TJP1: variants seen among roughly 807,000 people sequenced by gnomAD.
TJP1 encodes tight junction protein 1, also known as tight junction protein ZO-1.
Under a neutral mutation model 194.2 loss-of-function variants are expected in TJP1, and 43 were observed. The ratio of observed to expected loss-of-function variants is 0.22; its 90% CI spans 0.17 to 0.29. The LOEUF (loss-of-function observed/expected upper bound fraction) is 0.29. Among genes scored for constraint, TJP1 ranks in the 10% least tolerant of loss-of-function variants. The pLI is 1.00. For missense variants in TJP1, 1,971 were observed against 2,185.7 expected, an observed-to-expected ratio of 0.90 and a Z score of 1.96; for synonymous variants, 801 against 779.0, an observed-to-expected ratio of 1.03 and a Z score of -0.47.
chr15:29,706,484 G>A (rs1354066545), intron 25 of TJP1, among the ~76,000 whole-genome samples: 2 of 152,188 alleles, frequency 1.3e-5, no homozygotes, highest in South Asian at 2.1e-4. Flanking sequence ...GCTCATTGGA[G>A]CATTTTGGCA....
intron 2 of TJP1, among the ~76,000 whole-genome samples, chr15:29,892,953 T>G (rs1320773101): frequency 6.6e-6 from 1 of 152,258 alleles, no homozygotes; most frequent in Non-Finnish European, 1.5e-5. Context: ...TATGAGGCTA[T>G]AGCTGCCATA....
chr15:29,781,250 C>T (rs2047352671), intron 2 of TJP1, among the ~76,000 whole-genome samples: 1 of 151,924 alleles, frequency 6.6e-6, no homozygotes, highest in Admixed American at 6.6e-5. Flanking sequence ...CTGGACAAAC[C>T]CACCCTCCCA....
intron 2 of TJP1, among the ~76,000 whole-genome samples, chr15:29,946,508 G>A (rs546971194): frequency 7.2e-5 from 11 of 152,348 alleles, no homozygotes; most frequent in Non-Finnish European, 1.3e-4. Flanking sequence ...GCCCTGATGC[G>A]AGGCTCTGAG....
At chr15:29,822,513 G>T (rs1030483531), upstream of TJP1, 1 of 984,728 alleles carries the variant, frequency 1.0e-6, no homozygotes, top group African/African-American at 1.7e-5. Flanking sequence ...GGCCCGGCGG[G>T]GGCGGGGCTG....
chr15:29,718,791 T>C lies in TJP1; in HGVS notation c.3351A>G (p.Arg1117=), dbSNP rs777307841. Residue 1117 remains arginine (R), a synonymous_variant, in exon 21 of 28, where the codon AGA becomes AGG. Transcript: ENST00000614355. ...GTTCTGAGGACTCTTCGGGATGCTG[T>C]CTGGAGTCAAGGTCTTGAGAGTGCT... ...DNQHSQDLDS[R]QHPEESSERG... is the part of the protein sequence containing the mutation. 3.1e-6 allele frequency: 5 copies of C among 1,614,038 alleles called. No homozygotes were observed. The highest frequency in any genetic ancestry group is 4.5e-5 in the East Asian group (2 of 44,886).
intron 1 of TJP1, 60 bp from the exon 2 acceptor site, chr15:29,800,762 G>A: frequency 2.6e-6 from 4 of 1,535,322 alleles, no homozygotes; most frequent in Non-Finnish European, 3.6e-6. Flanking sequence ...TTAATAAGGT[G>A]AGCAAGAACA....
chr15:29,809,625 G>A (rs1430642677), intron 1 of TJP1, among the ~76,000 whole-genome samples: 2 of 152,048 alleles, frequency 1.3e-5, no homozygotes, highest in South Asian at 2.1e-4. Context: ...GGGGTGGATC[G>A]CCTGAAGTCA....
upstream of TJP1, among the ~76,000 whole-genome samples, chr15:29,826,796 G>C (rs1366628156): frequency 6.6e-6 from 1 of 152,174 alleles, no homozygotes; most frequent in African/African-American, 2.4e-5. Context: ...CAAGACCCTA[G>C]GGCAGAAGGG....
chr15:29,959,187 C>T (rs2056065653), intron 1 of TJP1, among the ~76,000 whole-genome samples: 1 of 151,750 alleles, frequency 6.6e-6, no homozygotes, highest in African/African-American at 2.4e-5. Context: ...GACGGGGTTT[C>T]ACCATGTTAG....
intron 2 of TJP1, among the ~76,000 whole-genome samples, chr15:29,901,163 C>T (rs76986582): frequency 6.6e-6 from 1 of 152,270 alleles, no homozygotes; most frequent in East Asian, 1.9e-4. Context: ...GGAACGCTTA[C>T]CCGCTACTGA....
At chr15:29,739,471 T>G (rs912778109) in intron 10 of TJP1, among the ~76,000 whole-genome samples, 1 of 151,938 alleles carries the variant, frequency 6.6e-6, no homozygotes, top group Non-Finnish European at 1.5e-5. Flanking sequence ...TGAGATGGAG[T>G]TTTGCTCTGT....
intron 8 of TJP1, among the ~76,000 whole-genome samples, chr15:29,746,444 T>A (rs749249850): frequency 9.2e-5 from 14 of 151,518 alleles, no homozygotes; most frequent in Non-Finnish European, 1.3e-4. Context: ...GATTACAGAA[T>A]ACATATAGCA....
chr15:29,785,214 A>G (rs2047625475), intron 2 of TJP1, among the ~76,000 whole-genome samples: 1 of 152,196 alleles, frequency 6.6e-6, no homozygotes, highest in Admixed American at 6.5e-5. Flanking sequence ...TGAAACCTTA[A>G]GCAACCATGA....
chr15:29,722,729 G>A (rs1487787872), intron 18 of TJP1, among the ~76,000 whole-genome samples: 1 of 152,170 alleles, frequency 6.6e-6, no homozygotes, highest in East Asian at 1.9e-4. Flanking sequence ...CATGCACCTG[G>A]AAAAGCCACA....
In TJP1 at chr15:29,700,313, TAC is replaced by T; in HGVS notation, c.*1280_*1281del. ...AATAAATTGTCTATTAGTAAAAAAA[TAC>T]ACTTTAGGGCACAGCATTGTATCAC... On this transcript the variant is annotated 3_prime_UTR_variant, in exon 28 of 28. Transcript: ENST00000614355. The T allele has an allele frequency of 2.5e-6, 1 of 398,880 alleles. No homozygotes were observed. The highest frequency in any genetic ancestry group is 4.4e-6 in the Non-Finnish European group (1 of 226,032). 24.7% of individuals were successfully genotyped at this position (398,880 alleles called of 1,614,324 possible).
chr15:29,833,137 A>G (rs1288004141), intron 2 of TJP1, among the ~76,000 whole-genome samples: 1 of 152,226 alleles, frequency 6.6e-6, no homozygotes, highest in East Asian at 1.9e-4. Flanking sequence ...GCCACAAAAA[A>G]AAAGTTCTAT....
At chr15:29,715,676 C>G (rs967087278) in intron 23 of TJP1, among the ~76,000 whole-genome samples, 3 of 152,000 alleles carry the variant, frequency 2.0e-5, no homozygotes, top group African/African-American at 7.2e-5. Context: ...GTGTAATGTC[C>G]CCAAGTCAGT....
At chr15:29,874,931 C>T (rs2052646508) in intron 2 of TJP1, among the ~76,000 whole-genome samples, 1 of 152,152 alleles carries the variant, frequency 6.6e-6, no homozygotes, top group African/African-American at 2.4e-5. Flanking sequence ...CAAATAATAC[C>T]AATGAAAACC....
chr15:29,879,378 G>A (rs1596168838), intron 2 of TJP1, among the ~76,000 whole-genome samples: 3 of 152,278 alleles, frequency 2.0e-5, no homozygotes, highest in Admixed American at 1.3e-4. Context: ...GTGGACAGAC[G>A]CCTCCCTATC....
Sources: allele counts gnomAD v4.1 joint callset (sites outside exome capture counted in the v4.1 genomes callset), GRCh38; gene constraint gnomAD v4.1.1; transcripts MANE v1.5; gene names NCBI Gene and HGNC (gene_info 2026-07-23, HGNC 2026-07-21).